TBC1D9: variants seen among roughly 807,000 people sequenced by gnomAD.
The protein encoded by TBC1D9 is TBC1 domain family member 9A.
A neutral mutation model predicts 132.0 loss-of-function variants in TBC1D9; 63 were observed. The ratio of observed to expected loss-of-function variants is 0.48; its 90% confidence interval spans 0.39 to 0.59. The LOEUF is 0.59. TBC1D9 is among the 20% of genes least tolerant of loss of function. TBC1D9 has a pLI of 0.00. For synonymous variants in TBC1D9, 610 were observed against 609.9 expected (o/e 1.00, Z 0.00); for missense variants, 1,261 against 1,592.7 (o/e 0.79, Z 3.54).
intron 11 of TBC1D9, chr4:140,659,337 C>T (rs553487360): frequency 1.4e-5 from 4 of 295,806 alleles, no homozygotes; most frequent in African/African-American, 8.6e-5. Context: ...GTCAGAGTGA[C>T]ACACACACAT....
At chr4:140,639,295 G>T in intron 14 of TBC1D9, 35 bp downstream of exon 14, 1 of 1,542,972 alleles carries the variant, frequency 6.5e-7, no homozygotes, top group South Asian at 1.2e-5. Context: ...GAAGGAAGAT[G>T]ACAGAGGTTG....
chr4:140,644,660 G>A (rs891407154), intron 13 of TBC1D9: 10 of 419,362 alleles, frequency 2.4e-5, no homozygotes, highest in Admixed American at 9.2e-5. Context: ...TCCAGGGCCT[G>A]GGCCGCCCGC....
Position 140,659,613 on chromosome 4 carries a change from TG to T in TBC1D9, c.1895del (p.Pro632GlnfsTer21). 6.2e-7 allele frequency: 1 copy of T among 1,602,188 alleles called. No individual in the cohort carries two copies. The highest frequency in any genetic ancestry group is 8.5e-7 in the Non-Finnish European group (1 of 1,174,306). On this transcript the variant is annotated frameshift_variant, in exon 11 of 21. Coordinates refer to ENST00000442267, the MANE Select transcript of TBC1D9 (RefSeq NM_015130.3). LOFTEE classifies it high-confidence loss of function. ...LLVALCERML[P>X]DYYNTRVVGA... ...CCACAACTCTGGTGTTGTAGTAATC[TG>T]GGAGCATGCGCTCACACAAAGCCAC... is the stretch of plus-strand genomic sequence containing the variant.
Position 140,669,700 on chromosome 4 carries a change from G to T in TBC1D9, c.1371C>A (p.Pro457=). 6.2e-7 allele frequency: 1 copy of T among 1,613,956 alleles called. No homozygotes were observed. The highest frequency in any genetic ancestry group is 1.1e-5 in the South Asian group (1 of 91,068). The change falls in exon 8 of 21, where the codon CCC becomes CCA. Residue 457 remains proline, a synonymous_variant. Transcript: ENST00000442267. ...TGGTCATCAGGGTCTGTGTGGCTGT[G>T]GGGACGCTGTTGCCATTTAGGTTAA... is the stretch of plus-strand genomic sequence containing the variant. ...RQFNLNGNSV[P]TATQTLMTMY... is the part of the protein sequence containing the mutation.
intron 9 of TBC1D9, among the ~76,000 whole-genome samples, chr4:140,665,022 G>T (rs28870450): frequency 0.063 from 9,476 of 151,214 alleles, 453 homozygotes; most frequent in African/African-American, 0.13. Context: ...CAGAAGAATC[G>T]CTTGAACCCA....
chr4:140,696,175 GGGCCAGGCGTGAT>G (rs78231004), intron 2 of TBC1D9, among the ~76,000 whole-genome samples: 51,284 of 151,428 alleles, frequency 0.34, 8,778 homozygotes, highest in East Asian at 0.43. Flanking sequence ...AAAAAGAGGC[GGGCCAGGCGTGAT>G]GGCTCACGCC....
intron 1 of TBC1D9, among the ~76,000 whole-genome samples, chr4:140,735,454 G>A (rs1182334728): frequency 6.6e-6 from 1 of 152,224 alleles, no homozygotes; most frequent in Non-Finnish European, 1.5e-5. Flanking sequence ...GCTCACGCCT[G>A]TAATTCCAAT....
intron 15 of TBC1D9, among the ~76,000 whole-genome samples, chr4:140,637,995 C>A (rs1209941913): frequency 6.6e-6 from 1 of 152,200 alleles, no homozygotes; most frequent in Non-Finnish European, 1.5e-5. Context: ...GTGCACTTTA[C>A]CAGGCACTAG....
intron 1 of TBC1D9, among the ~76,000 whole-genome samples, chr4:140,728,031 T>A (rs1448133259): frequency 1.3e-5 from 2 of 152,262 alleles, no homozygotes; most frequent in Non-Finnish European, 2.9e-5. Context: ...ACATTTCTTT[T>A]ATTTTACTTT....
At chr4:140,650,113 G>A (rs957888618) in intron 13 of TBC1D9, among the ~76,000 whole-genome samples, 1 of 152,210 alleles carries the variant, frequency 6.6e-6, no homozygotes, top group African/African-American at 2.4e-5. Flanking sequence ...ACTATTAGCT[G>A]TTGTGTGAAC....
intron 13 of TBC1D9, chr4:140,644,260 C>T: frequency 3.3e-6 from 1 of 303,314 alleles, no homozygotes; most frequent in Non-Finnish European, 6.5e-6. Flanking sequence ...TCCTTCTTCT[C>T]GACCACGTTG....
intron 15 of TBC1D9, 118 bp from the exon 16 acceptor site, chr4:140,634,306 G>A: frequency 7.0e-7 from 1 of 1,423,006 alleles, no homozygotes; most frequent in South Asian, 1.4e-5. Flanking sequence ...CCCTGGGGCA[G>A]GGCTGTGGCC....
intron 9 of TBC1D9, among the ~76,000 whole-genome samples, chr4:140,668,063 G>A (rs1737475718): frequency 6.6e-6 from 1 of 152,092 alleles, no homozygotes; most frequent in Non-Finnish European, 1.5e-5. Context: ...TAATATTTCA[G>A]GCTTCAATCC....
At chr4:140,726,271 G>C (rs891935017) in intron 1 of TBC1D9, among the ~76,000 whole-genome samples, 2 of 151,760 alleles carry the variant, frequency 1.3e-5, no homozygotes, top group Non-Finnish European at 2.9e-5. Flanking sequence ...CCTGGGCGAC[G>C]GAATGAGACT....
intron 2 of TBC1D9, among the ~76,000 whole-genome samples, chr4:140,687,342 T>TGTGTGTGATATATATA (rs1560885798): frequency 1.8e-5 from 1 of 54,526 alleles, no homozygotes; most frequent in Non-Finnish European, 3.6e-5. Context: ...TGTGTGTGTG[T>TGTGTGTGATATATATA]CATATATATA....
intron 2 of TBC1D9, among the ~76,000 whole-genome samples, chr4:140,687,395 T>TATATATAA (rs1209807437): frequency 4.0e-5 from 4 of 100,776 alleles, no homozygotes; most frequent in Non-Finnish European, 7.9e-5. Flanking sequence ...TATATATATA[T>TATATATAA]AAACATATAG....
At chr4:140,747,403 G>A (rs1213116983) in intron 1 of TBC1D9, among the ~76,000 whole-genome samples, 1 of 152,024 alleles carries the variant, frequency 6.6e-6, no homozygotes, top group Admixed American at 6.5e-5. Context: ...CTTATTAGGT[G>A]TGGGACCTAG....
intron 2 of TBC1D9, among the ~76,000 whole-genome samples, chr4:140,690,683 G>C (rs1737864194): frequency 6.6e-6 from 1 of 152,046 alleles, no homozygotes; most frequent in South Asian, 2.1e-4. Flanking sequence ...AAGGGGTTTT[G>C]GAAGTTTCTT....
At position 140,669,800 on chromosome 4, in the gene TBC1D9, T is replaced by C. The variant is rs1737507572; in HGVS notation, c.1271A>G (p.Tyr424Cys). The C allele has an allele frequency of 3.1e-6, 5 of 1,612,794 alleles. No homozygotes were observed. Among genetic ancestry groups the C allele is most frequent in the Non-Finnish European group, 4.2e-6 (5 of 1,179,112 alleles). Residue 424 changes from tyrosine (Y) to cysteine (C), a missense_variant, in exon 8 of 21, where the codon TAC (tyrosine) becomes TGC (cysteine). This residue lies in a region of TBC1D9 where 550 missense variants were observed against 699.0 expected (regional missense o/e 0.79). Coordinates refer to ENST00000442267, the MANE Select transcript of TBC1D9 (RefSeq NM_015130.3). ...GGAGACGAGGCTGCTGGGTCGAGAG[T>C]ACACCTGTCAATACAGAGAGGAACA... ...GSYNSSDDEVYSRPSSLVSSS... is the reference protein window; with the variant it reads ...GSYNSSDDEVCSRPSSLVSSS...
Sources: allele counts gnomAD v4.1 joint callset (sites outside exome capture counted in the v4.1 genomes callset), GRCh38; gene constraint gnomAD v4.1.1; regional missense constraint gnomAD v4.1.1; transcripts MANE v1.5; gene names NCBI Gene and HGNC (gene_info 2026-07-23, HGNC 2026-07-21).